PRKCZ: variants seen among roughly 807,000 people sequenced by gnomAD.
PRKCZ encodes the protein protein kinase C zeta.
Under a neutral mutation model 79.5 loss-of-function variants are expected in PRKCZ, and 33 were observed. The observed-to-expected ratio is 0.41, with a 90% CI of 0.31 to 0.55. The LOEUF (loss-of-function observed/expected upper bound fraction) is 0.55. Ranked by LOEUF, PRKCZ falls within the 20% of genes least tolerant of loss-of-function variation. The pLI is 0.19. For synonymous variants in PRKCZ, 342 were observed against 320.9 expected, an observed-to-expected ratio of 1.07 and a Z score of -0.70; for missense variants, 578 against 813.5, an observed-to-expected ratio of 0.71 and a Z score of 3.52.
chr1:2,144,424 G>C (rs922995000), intron 6 of PRKCZ, 83 bp downstream of exon 6: 4 of 1,514,624 alleles, frequency 2.6e-6, no homozygotes, highest in Non-Finnish European at 3.6e-6. Flanking sequence ...GCAGACCTTG[G>C]TGACCCTGGG....
At chr1:2,111,154 G>A (rs1427282840) in intron 4 of PRKCZ, among the ~76,000 whole-genome samples, 1 of 152,054 alleles carries the variant, frequency 6.6e-6, no homozygotes, top group African/African-American at 2.4e-5. Flanking sequence ...GGTGCTGGGA[G>A]CTGTGGGGCT....
intron 4 of PRKCZ, among the ~76,000 whole-genome samples, chr1:2,087,234 C>G (rs1261765095): frequency 6.6e-6 from 1 of 152,048 alleles, no homozygotes; most frequent in African/African-American, 2.4e-5. Context: ...AGGCACCCAC[C>G]ACCACACCCA....
intron 4 of PRKCZ, among the ~76,000 whole-genome samples, chr1:2,092,154 C>T (rs373336860): frequency 1.3e-4 from 20 of 152,330 alleles, no homozygotes; most frequent in African/African-American, 3.8e-4. Flanking sequence ...CCCTTGGCTC[C>T]GGCCCCGTCC....
intron 4 of PRKCZ, among the ~76,000 whole-genome samples, chr1:2,126,207 A>G (rs1009133353): frequency 6.6e-6 from 1 of 152,162 alleles, no homozygotes; most frequent in African/African-American, 2.4e-5. Flanking sequence ...CTCAATGGGA[A>G]ACTTTTCTTC....
At chr1:2,074,425 G>A in intron 4 of PRKCZ, 11 of 1,159,900 alleles carry the variant, frequency 9.5e-6, no homozygotes, top group Non-Finnish European at 1.3e-5. Context: ...ATGCTTTTTG[G>A]TTGTGGGTCT....
At chr1:2,062,018 C>T (rs1481167090) in intron 4 of PRKCZ, among the ~76,000 whole-genome samples, 3 of 152,130 alleles carry the variant, frequency 2.0e-5, no homozygotes, top group Admixed American at 6.5e-5. Context: ...GGATGGAGCA[C>T]GCCAGAGGCA....
chr1:2,155,757 G>A (rs531329216), intron 9 of PRKCZ, among the ~76,000 whole-genome samples: 1 of 150,012 alleles, frequency 6.7e-6, no homozygotes, highest in African/African-American at 2.5e-5. Context: ...TATGGTGACA[G>A]TGGTGTGACG....
chr1:2,102,757 C>A (rs1667714158), intron 4 of PRKCZ, among the ~76,000 whole-genome samples: 2 of 152,160 alleles, frequency 1.3e-5, no homozygotes, highest in African/African-American at 4.8e-5. Flanking sequence ...CCTCCCCCAA[C>A]CCCCAACTCT....
intron 4 of PRKCZ, among the ~76,000 whole-genome samples, chr1:2,083,957 C>T (rs1055119188): frequency 2.0e-5 from 3 of 152,268 alleles, no homozygotes; most frequent in Admixed American, 6.5e-5. Flanking sequence ...GTTGGCCGGG[C>T]GCGGTGGCTC....
chr1:2,181,986 C>G, intron 16 of PRKCZ: 2 of 396,804 alleles, frequency 5.0e-6, no homozygotes, highest in Non-Finnish European at 1.0e-5. Flanking sequence ...TCTCCTCCAC[C>G]CAGTGGCCTG....
chr1:2,161,518 A>T lies in PRKCZ; in HGVS notation c.974+5426A>T, dbSNP rs577508199. Reference sequence around the variant, plus strand: ...GGGCTTTGGGACACACCTGCAGTGTACAGGGGGCCCTGCTGTTTCCTGATG... The same window carrying T: ...GGGCTTTGGGACACACCTGCAGTGTTCAGGGGGCCCTGCTGTTTCCTGATG... On this transcript the variant is annotated intron_variant, in intron 10 of 17. Transcript: ENST00000378567. 1.3e-4 allele frequency among the ~76,000 whole-genome samples: 20 copies of T among 152,340 alleles called. 1 individual carries two copies. In the South Asian group the frequency reaches 3.5e-3, roughly 27 times the overall value.
At chr1:2,072,993 T>C (rs1246197391) in intron 4 of PRKCZ, among the ~76,000 whole-genome samples, 1 of 152,126 alleles carries the variant, frequency 6.6e-6, no homozygotes. Context: ...CAGGTCTCAC[T>C]TGCCAGTGAT....
rs563825007 is a variant in PRKCZ, at chr1:2,158,116, C to T, written c.974+2024C>T. ...GAGCCGGCGTGACCCGGCCGTTCCC[C>T]GACCTGCTCTACGTGCGGTGCCGTC... On this transcript the variant is annotated intron_variant, in intron 10 of 17. Transcript: ENST00000378567. Among the ~76,000 whole-genome samples the T allele has an allele frequency of 2.6e-5, 4 of 152,334 alleles. No homozygotes were observed. The East Asian group carries it at 5.8e-4, about 22-fold the overall frequency.
At chr1:2,055,664 T>C in intron 2 of PRKCZ, 102 bp downstream of exon 2, 1 of 1,464,602 alleles carries the variant, frequency 6.8e-7, no homozygotes, top group Non-Finnish European at 9.1e-7. Flanking sequence ...TGGGGAGACT[T>C]AAAGCTGTGG....
intron 4 of PRKCZ, among the ~76,000 whole-genome samples, chr1:2,069,178 A>G (rs1661363690): frequency 6.6e-6 from 1 of 151,484 alleles, no homozygotes; most frequent in Non-Finnish European, 1.5e-5. Flanking sequence ...CGCCCGGGAG[A>G]GCCCTCCCCT....
At chr1:2,144,160 C>T (rs372522092) in intron 5 of PRKCZ, 50 bp from the exon 6 acceptor site, 52 of 1,542,380 alleles carry the variant, frequency 3.4e-5, no homozygotes, top group Admixed American at 2.8e-4. Context: ...CTGTCCTCTC[C>T]GCTGGCCCCT....
At position 2,175,294 on chromosome 1, in the gene PRKCZ, G is replaced by A. The variant is rs1685219598; in HGVS notation, c.1556G>A (p.Arg519His). Residue 519 changes from arginine (R) to histidine (H), a missense_variant, in exon 16 of 18, where the codon CGC (arginine) becomes CAC (histidine). Physicochemically the swap from Arg to His is conservative, Grantham distance 29. This residue lies in a region of PRKCZ where 243 missense variants were observed against 467.0 expected (regional missense o/e 0.52). Coordinates refer to ENST00000378567, the MANE Select transcript of PRKCZ (RefSeq NM_002744.6). ...GACATCAAGTCCCACGCGTTCTTCC[G>A]CAGCATAGACTGGGACTTGGTAAAG... is the stretch of plus-strand genomic sequence containing the variant. ...FSDIKSHAFF[R>H]SIDWDLLEKK... is the part of the protein sequence containing the mutation. 6.2e-7 allele frequency: 1 copy of A among 1,613,420 alleles called. No individual in the cohort carries two copies. The highest frequency in any genetic ancestry group is 8.5e-7 in the Non-Finnish European group (1 of 1,179,670).
rs531798673 is a variant in PRKCZ, at chr1:2,073,842, C to T, written c.334+14251C>T. ...GAGGCGAGCCGACGCAGCATCAGCT[C>T]GTCAACGGGAAGGAAGATGCCTCCC... is the stretch of plus-strand genomic sequence containing the variant. On this transcript the variant is annotated intron_variant, in intron 4 of 17. Transcript: ENST00000378567. 2.6e-4 allele frequency: 271 copies of T among 1,053,154 alleles called. 3 individuals are homozygous for T. Among genetic ancestry groups the T allele is most frequent in the African/African-American group, 1.6e-3 (97 of 59,080 alleles). The allele number at this position is 1,053,154 out of a possible 1,614,324, so 65.2% of individuals were successfully genotyped here. A position where few individuals can be genotyped will look rare whatever the true frequency, so the allele number is the denominator to read the frequency against.
chr1:2,116,704 T>C (rs568226076), intron 4 of PRKCZ, among the ~76,000 whole-genome samples: 11 of 152,308 alleles, frequency 7.2e-5, no homozygotes, highest in African/African-American at 2.6e-4. Context: ...ATTGGTAACT[T>C]GTGTTATGAG....
Sources: allele counts gnomAD v4.1 joint callset (sites outside exome capture counted in the v4.1 genomes callset), GRCh38; gene constraint gnomAD v4.1.1; regional missense constraint gnomAD v4.1.1; transcripts MANE v1.5; gene names NCBI Gene and HGNC (gene_info 2026-07-23, HGNC 2026-07-21).